The following ATP5F1C variants were observed in gnomAD, a reference collection of about 807,000 sequenced individuals.
ATP5F1C encodes ATP synthase F1 subunit gamma, also known as ATP synthase F(1) complex subunit gamma, mitochondrial.
ATP5F1C carries 22 observed loss-of-function variants against 37.4 expected under a neutral mutation model. That is an observed-to-expected ratio of 0.59 (90% CI 0.42 to 0.84). The LOEUF is 0.84. Ranked by LOEUF, ATP5F1C falls within the 40% of genes least tolerant of loss-of-function variation. The pLI, the probability that ATP5F1C is intolerant of heterozygous loss-of-function variation, is 0.00. For missense variants in ATP5F1C, 286 were observed against 362.4 expected (o/e 0.79, Z 1.71); for synonymous variants, 121 against 128.0 (o/e 0.95, Z 0.37).
At chr10:7,798,662 CT>C (rs1303085043) in intron 3 of ATP5F1C, among the ~76,000 whole-genome samples, 1 of 152,192 alleles carries the variant, frequency 6.6e-6, no homozygotes, top group Non-Finnish European at 1.5e-5. Context: ...TCCCAAAGTG[CT>C]GGGATTACAG....
rs1836211494 is a variant in ATP5F1C at position 7,794,683 on chromosome 10, G to A, written c.57-1438G>A. On this transcript the variant is annotated intron_variant, in intron 1 of 9. Transcript: ENST00000356708. Reference sequence around the variant, plus strand: ...GATTTTTTAATATTGAACCAGCTTTGCATACCTGGAGTAAATCCCACGTAG... The same window carrying A: ...GATTTTTTAATATTGAACCAGCTTTACATACCTGGAGTAAATCCCACGTAG... 1.3e-5 allele frequency among the ~76,000 whole-genome samples: 2 copies of A among 152,042 alleles called. 1 individual carries two copies. The highest frequency in any genetic ancestry group is 4.1e-4 in the South Asian group (2 of 4,826).
At chr10:7,798,863 A>G (rs1392096134) in intron 3 of ATP5F1C, 127 bp from the exon 4 acceptor site, 1 of 856,082 alleles carries the variant, frequency 1.2e-6, no homozygotes, top group African/African-American at 1.7e-5. Context: ...ACACCTGCTT[A>G]CACTAGGCAG....
Position 7,798,991 on chromosome 10 carries a change from T to C in ATP5F1C, c.225T>C (p.Ala75=). 1 of 1,611,596 alleles carries C rather than the reference T, an allele frequency of 6.2e-7. No homozygotes were observed. Among genetic ancestry groups the C allele is most frequent in the Non-Finnish European group, 8.5e-7 (1 of 1,179,714 alleles). The part of the protein sequence containing the change: ...PARIYGLGSL[A]LYEKADIKGP... ...TTACTGCTTTTGTTTGTTTTTAAGC[T>C]CTGTATGAAAAAGCTGATATCAAGG... is the stretch of plus-strand genomic sequence containing the variant. Residue 75 remains alanine, a splice_region_variant and synonymous_variant, in exon 4 of 10, where the codon GCT becomes GCC. Coordinates refer to ENST00000356708, the MANE Select transcript of ATP5F1C (RefSeq NM_001001973.3).
At chr10:7,797,219 T>C (rs1836257679) in intron 3 of ATP5F1C, 41 bp downstream of exon 3, 2 of 1,605,152 alleles carry the variant, frequency 1.2e-6, no homozygotes, top group Non-Finnish European at 1.7e-6. Context: ...AAGAACTGTT[T>C]CACACAAGGA....
At chr10:7,797,663 G>C (rs928839150) in intron 3 of ATP5F1C, among the ~76,000 whole-genome samples, 1 of 152,156 alleles carries the variant, frequency 6.6e-6, no homozygotes, top group Admixed American at 6.5e-5. Context: ...GGGCGGGTGA[G>C]GGGCAGTGCA....
At chr10:7,805,575 G>A (rs1024795719) in intron 8 of ATP5F1C, among the ~76,000 whole-genome samples, 53 of 151,956 alleles carry the variant, frequency 3.5e-4, no homozygotes, top group African/African-American at 9.7e-4. Flanking sequence ...GTGAAACCCC[G>A]TCTCTACTAA....
At chr10:7,798,552 G>A (rs532333269) in intron 3 of ATP5F1C, among the ~76,000 whole-genome samples, 19 of 152,244 alleles carry the variant, frequency 1.2e-4, no homozygotes, top group African/African-American at 3.6e-4. Flanking sequence ...GGCTACAGGC[G>A]CCCGCCACCA....
At chr10:7,796,665 A>G (rs1389406203) in intron 2 of ATP5F1C, 1 of 140,262 alleles carries the variant, frequency 7.1e-6, no homozygotes, top group Admixed American at 7.5e-5. Context: ...GCTCACTGCA[A>G]GCTCCGCCTC....
intron 1 of ATP5F1C, among the ~76,000 whole-genome samples, chr10:7,795,679 C>T (rs575294578): frequency 1.9e-4 from 29 of 152,234 alleles, no homozygotes; most frequent in East Asian, 5.8e-4. Flanking sequence ...TACTTTTACA[C>T]GTGTAGTCAT....
rs1836514286 is a variant in ATP5F1C, at chr10:7,807,777, TTAAAA to T, written c.*154_*158del. Reference sequence around the variant, plus strand: ...GACAGCAAGATATTTGTAAATTATCTTAAAATAAACAACTTAAAATAAAATCATTG... The same window carrying T: ...GACAGCAAGATATTTGTAAATTATCTTAAACAACTTAAAATAAAATCATTG... On this transcript the variant is annotated 3_prime_UTR_variant, in exon 10 of 10. Transcript: ENST00000356708. 1 of 1,187,954 alleles carries T rather than the reference TTAAAA, an allele frequency of 8.4e-7. No homozygotes were observed. The highest frequency in any genetic ancestry group is 1.2e-6 in the Non-Finnish European group (1 of 850,810). 73.6% of individuals were successfully genotyped at this position (1,187,954 alleles called of 1,614,324 possible).
rs748725502 is a variant in ATP5F1C, at chr10:7,788,182, C to A, written c.-26C>A. 6 of 1,612,320 alleles carry A rather than the reference C, an allele frequency of 3.7e-6. No homozygotes were observed. The South Asian group carries it at 6.6e-5, about 18-fold the overall frequency. On this transcript the variant is annotated 5_prime_UTR_variant, in exon 1 of 10. Coordinates refer to ENST00000356708, the MANE Select transcript of ATP5F1C (RefSeq NM_001001973.3). ...GCATGCGCGCTGAGGCCTGCCTGAC[C>A]GACCTTCAGCAGGGCTGTGGCTACC...
intron 6 of ATP5F1C, among the ~76,000 whole-genome samples, chr10:7,801,872 G>T (rs545386101): frequency 1.2e-4 from 19 of 152,276 alleles, no homozygotes; most frequent in African/African-American, 4.3e-4. Flanking sequence ...TGCTCAACCT[G>T]TATTACACTA....
intron 8 of ATP5F1C, among the ~76,000 whole-genome samples, chr10:7,806,761 T>G (rs549903087): frequency 6.6e-6 from 1 of 152,372 alleles, no homozygotes; most frequent in South Asian, 2.1e-4. Flanking sequence ...TTTTTATTGC[T>G]TCTAACCTGG....
chr10:7,803,406 A>G (rs979316831), intron 8 of ATP5F1C, among the ~76,000 whole-genome samples: 6 of 152,224 alleles, frequency 3.9e-5, no homozygotes, highest in Admixed American at 6.5e-5. Context: ...ATAGCACAGT[A>G]CTACATATAA....
At chr10:7,798,226 T>C (rs1836279034) in intron 3 of ATP5F1C, among the ~76,000 whole-genome samples, 1 of 151,932 alleles carries the variant, frequency 6.6e-6, no homozygotes. Flanking sequence ...TTGTTGTTTT[T>C]TGTTTGTTTT....
chr10:7,803,001 A>T, intron 8 of ATP5F1C, 147 bp downstream of exon 8: 1 of 607,294 alleles, frequency 1.6e-6, no homozygotes. Flanking sequence ...GGCTATAAAG[A>T]TGTGGTAAAA....
intron 1 of ATP5F1C, among the ~76,000 whole-genome samples, chr10:7,789,405 C>T (rs1836119814): frequency 6.6e-6 from 1 of 151,996 alleles, no homozygotes; most frequent in Non-Finnish European, 1.5e-5. Flanking sequence ...GTGAATTAGC[C>T]ACATAAAATT....
At chr10:7,796,470 G>A (rs1588498161) in intron 2 of ATP5F1C, 1 of 210,800 alleles carries the variant, frequency 4.7e-6, no homozygotes, top group Non-Finnish European at 9.4e-6. Flanking sequence ...TATGGAATAT[G>A]TGGTTAAGGC....
At chr10:7,800,967 CT>C (rs1836353770) in intron 6 of ATP5F1C, among the ~76,000 whole-genome samples, 4 of 152,188 alleles carry the variant, frequency 2.6e-5, no homozygotes, top group African/African-American at 7.2e-5. Context: ...TAGAAACTGG[CT>C]TTGCAAGTTA....
Sources: gnomAD v4.1 joint callset for allele counts (sites outside exome capture counted in the v4.1 genomes callset) on GRCh38, gnomAD v4.1.1 for gene constraint, MANE v1.5 for transcripts, NCBI Gene and HGNC (gene_info 2026-07-23, HGNC 2026-07-21) for gene names.